PRKCH: variants seen among roughly 807,000 people sequenced by gnomAD.
PRKCH encodes protein kinase C eta.
A neutral mutation model predicts 82.5 loss-of-function variants in PRKCH; 28 were observed. That is an observed-to-expected ratio of 0.34 (90% CI 0.25 to 0.47). The LOEUF is 0.47. Among genes scored for constraint, PRKCH ranks in the 20% least tolerant of loss-of-function variants. PRKCH has a pLI of 1.00. For missense variants in PRKCH, 705 were observed against 881.8 expected, an observed-to-expected ratio of 0.80 and a Z score of 2.54; for synonymous variants, 322 against 327.4, an observed-to-expected ratio of 0.98 and a Z score of 0.18.
chr14:61,546,860 C>T (rs1011536329), intron 12 of PRKCH, among the ~76,000 whole-genome samples: 8 of 152,190 alleles, frequency 5.3e-5, no homozygotes, highest in Non-Finnish European at 4.4e-5. Context: ...AACCACACTC[C>T]GGCCATGAAA....
chr14:61,212,191 T>C (rs1456023494), intron 1 of PRKCH, among the ~76,000 whole-genome samples: 2 of 152,174 alleles, frequency 1.3e-5, no homozygotes, highest in Non-Finnish European at 2.9e-5. Flanking sequence ...TAAAGAATTA[T>C]GGTCTCTTTT....
chr14:61,419,725 A>G (rs7155243), intron 2 of PRKCH, among the ~76,000 whole-genome samples: 32,714 of 152,222 alleles, frequency 0.21, 3,962 homozygotes, highest in Admixed American at 0.35. Context: ...AAAACCTGGG[A>G]CATAGAGAAC....
At chr14:61,189,770 G>A (rs1447714555) in intron 1 of PRKCH, among the ~76,000 whole-genome samples, 2 of 147,154 alleles carry the variant, frequency 1.4e-5, no homozygotes, top group Non-Finnish European at 3.0e-5. Context: ...CTCATCACTC[G>A]CACTCTGCCA....
intron 1 of PRKCH, chr14:61,390,959 T>C (rs1227131976): frequency 2.9e-6 from 1 of 341,874 alleles, no homozygotes. Context: ...TATGTGGATG[T>C]GCCTGTCTAT....
In PRKCH at chr14:61,549,694, G is replaced by A; in HGVS notation, c.1915G>A (p.Glu639Lys). ...CTTTTTTTTTTGGCAGAAATCCCGA[G>A]AAGATGTCAGTAATTTTGACCCTGA... ...PPFRPRIKSR[E>K]DVSNFDPDFI... is the part of the protein sequence containing the mutation. Residue 639 changes from glutamate (E) to lysine (K), a missense_variant, in exon 14 of 14, where the codon GAA becomes AAA. This residue lies in a region of PRKCH where 91 missense variants were observed against 81.2 expected (regional missense o/e 1.12). Coordinates refer to ENST00000332981, the MANE Select transcript of PRKCH (RefSeq NM_006255.5). 6.2e-7 allele frequency: 1 copy of A among 1,610,490 alleles called. No individual in the cohort carries two copies. Among genetic ancestry groups the A allele is most frequent in the Non-Finnish European group, 8.5e-7 (1 of 1,179,334 alleles).
chr14:61,301,118 T>C (rs1018890079), intron 1 of PRKCH, among the ~76,000 whole-genome samples: 7 of 152,182 alleles, frequency 4.6e-5, no homozygotes, highest in African/African-American at 1.7e-4. Context: ...CCTATTAAAC[T>C]TCTGCTCTTA....
At chr14:61,406,723 C>T (rs1881970297) in intron 2 of PRKCH, among the ~76,000 whole-genome samples, 1 of 152,192 alleles carries the variant, frequency 6.6e-6, no homozygotes, top group Non-Finnish European at 1.5e-5. Flanking sequence ...GATCACATAA[C>T]TCAGTAGGTA....
chr14:61,527,124 TACAG>T (rs2042976274), intron 10 of PRKCH, among the ~76,000 whole-genome samples: 1 of 152,186 alleles, frequency 6.6e-6, no homozygotes, highest in African/African-American at 2.4e-5. Flanking sequence ...GCCTTTTATT[TACAG>T]ACAGCTTTAT....
At chr14:61,254,076 TA>T (rs1174169335) in intron 1 of PRKCH, among the ~76,000 whole-genome samples, 8 of 147,582 alleles carry the variant, frequency 5.4e-5, no homozygotes, top group African/African-American at 1.7e-4. Flanking sequence ...GTCGAAACTC[TA>T]TGCGAGACAT....
intron 1 of PRKCH, among the ~76,000 whole-genome samples, chr14:61,349,211 A>G (rs1174075620): frequency 6.6e-6 from 1 of 152,164 alleles, no homozygotes; most frequent in Non-Finnish European, 1.5e-5. Context: ...CATTGTTTCC[A>G]TTTCAGTTGA....
chr14:61,301,106 C>T (rs1387870081), intron 1 of PRKCH, among the ~76,000 whole-genome samples: 6 of 152,134 alleles, frequency 3.9e-5, no homozygotes, highest in Admixed American at 2.6e-4. Flanking sequence ...CTCTTTCTTT[C>T]GCCTATTAAA....
At chr14:61,272,608 G>A (rs551906633) in intron 1 of PRKCH, among the ~76,000 whole-genome samples, 1 of 151,936 alleles carries the variant, frequency 6.6e-6, no homozygotes, top group African/African-American at 2.4e-5. Context: ...CACCTGCCTC[G>A]GCCTCCCAAA....
At chr14:61,265,208 C>T (rs371812439) in intron 1 of PRKCH, among the ~76,000 whole-genome samples, 8 of 152,256 alleles carry the variant, frequency 5.3e-5, no homozygotes, top group Middle Eastern at 3.4e-3. Context: ...CAGGCGGGTG[C>T]GGTGGCTCAT....
At chr14:61,228,929 T>G (rs2044718558) in intron 1 of PRKCH, among the ~76,000 whole-genome samples, 1 of 151,704 alleles carries the variant, frequency 6.6e-6, no homozygotes, top group Non-Finnish European at 1.5e-5. Flanking sequence ...TATAAATGAC[T>G]TTAATTAGAG....
At chr14:61,273,148 G>A (rs575801583) in intron 1 of PRKCH, among the ~76,000 whole-genome samples, 6 of 152,140 alleles carry the variant, frequency 3.9e-5, no homozygotes, top group Non-Finnish European at 7.3e-5. Context: ...TGGCCCTTCT[G>A]TGGCAGATCA....
chr14:61,306,914 C>T (rs917850440), intron 1 of PRKCH: 6 of 152,048 alleles, frequency 3.9e-5, no homozygotes, highest in African/African-American at 7.2e-5. Context: ...TACATCTGTA[C>T]GACTCATTGC....
At chr14:61,199,824 G>C (rs796637267) in intron 1 of PRKCH, among the ~76,000 whole-genome samples, 18 of 152,240 alleles carry the variant, frequency 1.2e-4, no homozygotes, top group African/African-American at 4.3e-4. Context: ...TAAGCTGCAC[G>C]CAAAGAATAT....
At chr14:61,368,901 T>A (rs899668092) in intron 1 of PRKCH, among the ~76,000 whole-genome samples, 1 of 152,028 alleles carries the variant, frequency 6.6e-6, no homozygotes, top group Non-Finnish European at 1.5e-5. Context: ...CATGCATGCA[T>A]TTTTTTCATT....
chr14:61,389,428 C>T (rs1043002424), intron 1 of PRKCH, among the ~76,000 whole-genome samples: 3 of 152,020 alleles, frequency 2.0e-5, no homozygotes, highest in African/African-American at 7.2e-5. Context: ...CAGTGACTCA[C>T]ACTTGTAATC....
Sources: allele counts gnomAD v4.1 joint callset (sites outside exome capture counted in the v4.1 genomes callset), GRCh38; gene constraint gnomAD v4.1.1; regional missense constraint gnomAD v4.1.1; transcripts MANE v1.5; gene names NCBI Gene and HGNC (gene_info 2026-07-23, HGNC 2026-07-21).